GALNT1: variants seen among roughly 807,000 people sequenced by gnomAD.
GALNT1 encodes the protein GalNAc transferase 1.
A neutral mutation model predicts 65.7 loss-of-function variants in GALNT1; 17 were observed. The observed-to-expected ratio is 0.26, with a 90% confidence interval of 0.18 to 0.39. GALNT1 has a LOEUF of 0.39. GALNT1 is among the 10% of genes least tolerant of loss of function. The pLI, the probability that GALNT1 is intolerant of heterozygous loss-of-function variation, is 1.00. For synonymous variants in GALNT1, 210 were observed against 219.7 expected, an observed-to-expected ratio of 0.96 and a Z score of 0.39; for missense variants, 460 against 672.8, an observed-to-expected ratio of 0.68 and a Z score of 3.50.
At position 35,692,327 on chromosome 18, in the gene GALNT1, A is replaced by AT; in HGVS notation, c.1299+7_1299+8insT. The AT allele has an allele frequency of 1.4e-6, 2 of 1,455,692 alleles. No homozygotes were observed. Among genetic ancestry groups the AT allele is most frequent in the Non-Finnish European group, 1.9e-6 (2 of 1,063,958 alleles). The allele number at this position is 1,455,692 out of a possible 1,614,324, so 90.2% of individuals were successfully genotyped here. A position where few individuals can be genotyped will look rare whatever the true frequency, so the allele number is the denominator to read the frequency against. The stretch of plus-strand genomic sequence containing the variant: ...CTATTTCTCATTGGGAGAGGTAAGA[A>AT]ATATATATATATATATTCTATGTGG... On this transcript the variant is annotated splice_region_variant and intron_variant, in intron 9 of 11. Coordinates refer to ENST00000269195, the MANE Select transcript of GALNT1 (RefSeq NM_020474.4).
At position 35,677,368 on chromosome 18, in the gene GALNT1, A is replaced by T. The variant is rs572479450; in HGVS notation, c.315-223A>T. Among the ~76,000 whole-genome samples the T allele has an allele frequency of 2.6e-5, 4 of 152,336 alleles. No homozygotes were observed. In the East Asian group the frequency reaches 7.7e-4, roughly 29 times the overall value. On this transcript the variant is annotated intron_variant, in intron 3 of 11. Coordinates refer to ENST00000269195, the MANE Select transcript of GALNT1 (RefSeq NM_020474.4). Reference sequence around the variant, plus strand: ...TCAGGAGGAAGTACCTAATTTTAAGAATATAAATGACATCTTTGAAATAAT... The same window carrying T: ...TCAGGAGGAAGTACCTAATTTTAAGTATATAAATGACATCTTTGAAATAAT...
intron 1 of GALNT1, among the ~76,000 whole-genome samples, chr18:35,594,889 C>T (rs181086604): frequency 2.6e-5 from 4 of 152,116 alleles, no homozygotes; most frequent in South Asian, 2.1e-4. Context: ...TGTTGAGACT[C>T]GAGACAGAGG....
At chr18:35,705,278 T>C (rs1367586485) in intron 11 of GALNT1, among the ~76,000 whole-genome samples, 1 of 152,222 alleles carries the variant, frequency 6.6e-6, no homozygotes, top group Non-Finnish European at 1.5e-5. Flanking sequence ...ATCACTTCCA[T>C]GAATCCTAAC....
intron 1 of GALNT1, among the ~76,000 whole-genome samples, chr18:35,600,988 A>G (rs2046574717): frequency 6.7e-6 from 1 of 149,508 alleles, no homozygotes. Flanking sequence ...CCTTCTCTTT[A>G]CTTTTTTGGA....
chr18:35,602,430 TA>T (rs2046593511), intron 1 of GALNT1, among the ~76,000 whole-genome samples: 1 of 152,188 alleles, frequency 6.6e-6, no homozygotes, highest in African/African-American at 2.4e-5. Flanking sequence ...AATTTTCTGT[TA>T]TTTATTTGAA....
At chr18:35,706,140 A>G (rs773079295) in intron 11 of GALNT1, among the ~76,000 whole-genome samples, 3 of 152,098 alleles carry the variant, frequency 2.0e-5, no homozygotes, top group African/African-American at 4.8e-5. Flanking sequence ...TGGCTAGCCA[A>G]CCTACACAGT....
intron 3 of GALNT1, among the ~76,000 whole-genome samples, chr18:35,675,791 G>C (rs1412964775): frequency 6.6e-6 from 1 of 152,174 alleles, no homozygotes; most frequent in Non-Finnish European, 1.5e-5. Flanking sequence ...CTTGGGAAAA[G>C]AGATTGTATG....
At chr18:35,673,377 T>G (rs1319919950) in intron 3 of GALNT1, among the ~76,000 whole-genome samples, 1 of 152,360 alleles carries the variant, frequency 6.6e-6, no homozygotes, top group Non-Finnish European at 1.5e-5. Context: ...TTATCATAAT[T>G]TGCAGATTTA....
chr18:35,665,959 C>G (rs914135646), intron 3 of GALNT1, among the ~76,000 whole-genome samples: 1 of 151,852 alleles, frequency 6.6e-6, no homozygotes, highest in Non-Finnish European at 1.5e-5. Context: ...TGAGAATGAC[C>G]AGAAGGTGAT....
At position 35,675,117 on chromosome 18, in the gene GALNT1, C is replaced by A. The variant is rs893808416; in HGVS notation, c.315-2474C>A. Among the ~76,000 whole-genome samples the A allele has an allele frequency of 3.3e-5, 5 of 150,364 alleles. No individual in the cohort carries two copies. In the Admixed American group the frequency reaches 3.3e-4, roughly 10 times the overall value. On this transcript the variant is annotated intron_variant, in intron 3 of 11. Transcript: ENST00000269195. ...TTCTGCTCATCCTCAGCTCTGTGTT[C>A]TATGAACCCATCCCCCTACCCACTT...
intron 9 of GALNT1, 43 bp from the exon 10 acceptor site, chr18:35,702,854 A>G (rs1335233550): frequency 3.0e-6 from 4 of 1,355,088 alleles, no homozygotes; most frequent in Non-Finnish European, 4.1e-6. Flanking sequence ...TGTCTAATTA[A>G]CTTCTCCAAC....
rs145612767 is a variant in GALNT1 at position 35,676,572 on chromosome 18, C to A, written c.315-1019C>A. ...TTTCTTCATTTCCTCCCCATCCTTC[C>A]CTTTTCCCACTCCCACTGACAGGCG... On this transcript the variant is annotated intron_variant, in intron 3 of 11. Coordinates refer to ENST00000269195, the MANE Select transcript of GALNT1 (RefSeq NM_020474.4). Among the ~76,000 whole-genome samples, 6 of 152,290 alleles carry A rather than the reference C, an allele frequency of 3.9e-5. No individual in the cohort carries two copies. In the East Asian group the frequency reaches 1.2e-3, roughly 29 times the overall value.
rs927273320 is a variant in GALNT1 at position 35,710,955 on chromosome 18, T to C, written c.*1185T>C. The C allele has an allele frequency of 1.3e-5, 2 of 152,664 alleles. No individual in the cohort carries two copies. The highest frequency in any genetic ancestry group is 2.9e-5 in the Non-Finnish European group (2 of 68,032). The allele number at this position is 152,664 out of a possible 1,614,324, so 9.5% of individuals were successfully genotyped here. The stretch of plus-strand genomic sequence containing the variant: ...TTAGATTATTGAATTGTAATGTTTA[T>C]CTGCTGCTTTTTTTAAATAAAATTT... On this transcript the variant is annotated 3_prime_UTR_variant, in exon 12 of 12. Coordinates refer to ENST00000269195, the MANE Select transcript of GALNT1 (RefSeq NM_020474.4).
intron 1 of GALNT1, among the ~76,000 whole-genome samples, chr18:35,609,450 A>G (rs952920680): frequency 6.6e-6 from 1 of 152,140 alleles, no homozygotes; most frequent in African/African-American, 2.4e-5. Flanking sequence ...TTGCTCTTGG[A>G]TAATTTTGCC....
At chr18:35,702,543 A>G (rs1301114610) in intron 9 of GALNT1, among the ~76,000 whole-genome samples, 2 of 152,214 alleles carry the variant, frequency 1.3e-5, no homozygotes, top group Admixed American at 6.5e-5. Context: ...AGTAGTTATC[A>G]GAATTAATGT....
chr18:35,681,049 T>G (rs2047779550), intron 4 of GALNT1, among the ~76,000 whole-genome samples: 1 of 152,226 alleles, frequency 6.6e-6, no homozygotes, highest in African/African-American at 2.4e-5. Flanking sequence ...TATTAGATTC[T>G]GAATTCTTTA....
At chr18:35,663,540 C>T (rs2047505490) in intron 2 of GALNT1, 88 bp from the exon 3 acceptor site, 2 of 1,356,922 alleles carry the variant, frequency 1.5e-6, no homozygotes, top group African/African-American at 2.9e-5. Flanking sequence ...GTTGAGGGCA[C>T]AGTTCAAACA....
intron 1 of GALNT1, among the ~76,000 whole-genome samples, chr18:35,582,828 G>C (rs2046338799): frequency 6.6e-6 from 1 of 152,206 alleles, no homozygotes; most frequent in Non-Finnish European, 1.5e-5. Flanking sequence ...GACCTTGTTA[G>C]TCCAGTCCTC....
At chr18:35,629,921 G>A (rs1396033998) in intron 1 of GALNT1, among the ~76,000 whole-genome samples, 1 of 152,080 alleles carries the variant, frequency 6.6e-6, no homozygotes, top group East Asian at 1.9e-4. Flanking sequence ...TTTCTGATAA[G>A]TCAGACTTTA....
Sources: allele counts gnomAD v4.1 joint callset (sites outside exome capture counted in the v4.1 genomes callset), GRCh38; gene constraint gnomAD v4.1.1; transcripts MANE v1.5; gene names NCBI Gene and HGNC (gene_info 2026-07-23, HGNC 2026-07-21).